The following RRAS2 variants were observed in gnomAD, a reference collection of about 807,000 sequenced individuals.
The protein encoded by RRAS2 is ras-related protein R-Ras2.
A neutral mutation model predicts 27.6 loss-of-function variants in RRAS2; 7 were observed. The observed-to-expected ratio is 0.25, with a 90% CI of 0.14 to 0.48. The LOEUF (loss-of-function observed/expected upper bound fraction) is 0.48, where lower values mean the gene tolerates loss of function less well. RRAS2 is among the 20% of genes least tolerant of loss of function. The pLI, the probability that RRAS2 is intolerant of heterozygous loss-of-function variation, is 0.99. For missense variants in RRAS2, 178 were observed against 256.2 expected, an observed-to-expected ratio of 0.69 and a Z score of 2.08; for synonymous variants, 86 against 90.9, an observed-to-expected ratio of 0.95 and a Z score of 0.31.
At chr11:14,293,477 C>T (rs1464651431) in intron 4 of RRAS2, among the ~76,000 whole-genome samples, 4 of 151,964 alleles carry the variant, frequency 2.6e-5, no homozygotes, top group Non-Finnish European at 4.4e-5. Context: ...CCATCCAAAT[C>T]TCATCTTTTT....
chr11:14,347,945 C>T (rs1300556671), intron 1 of RRAS2, among the ~76,000 whole-genome samples: 1 of 152,010 alleles, frequency 6.6e-6, no homozygotes, highest in Non-Finnish European at 1.5e-5. Flanking sequence ...GCAAAAGACA[C>T]ACTTGGTGCA....
At chr11:14,341,741 T>C in intron 1 of RRAS2, 1 of 440,360 alleles carries the variant, frequency 2.3e-6, no homozygotes, top group South Asian at 1.6e-5. Flanking sequence ...CAGAGTACAT[T>C]CTCTGTTCTT....
intron 4 of RRAS2, among the ~76,000 whole-genome samples, chr11:14,288,647 T>C (rs1849728278): frequency 6.6e-6 from 1 of 152,214 alleles, no homozygotes; most frequent in Non-Finnish European, 1.5e-5. Flanking sequence ...CCAGACATGT[T>C]TTGTTTTAAA....
chr11:14,355,524 T>C (rs1849053562), intron 1 of RRAS2, among the ~76,000 whole-genome samples: 1 of 152,240 alleles, frequency 6.6e-6, no homozygotes, highest in African/African-American at 2.4e-5. Context: ...TGATTTGTTA[T>C]ATTTATTTTT....
intron 1 of RRAS2, among the ~76,000 whole-genome samples, chr11:14,319,491 TG>T (rs1554949993): frequency 6.6e-6 from 1 of 151,954 alleles, no homozygotes; most frequent in African/African-American, 2.4e-5. Flanking sequence ...CCCGAGTAGC[TG>T]GGACTACAGG....
chr11:14,316,549 A>G (rs1395511846), intron 1 of RRAS2, among the ~76,000 whole-genome samples: 1 of 152,196 alleles, frequency 6.6e-6, no homozygotes, highest in Admixed American at 6.5e-5. Context: ...AGACTGGCCT[A>G]GGCAACATAG....
intron 1 of RRAS2, among the ~76,000 whole-genome samples, chr11:14,356,290 C>T (rs1319955004): frequency 6.6e-6 from 1 of 152,184 alleles, no homozygotes; most frequent in Non-Finnish European, 1.5e-5. Flanking sequence ...TCTCTCCAAA[C>T]TAGCATATGA....
intron 1 of RRAS2, among the ~76,000 whole-genome samples, chr11:14,349,352 G>A (rs1848904528): frequency 6.7e-6 from 1 of 149,656 alleles, no homozygotes; most frequent in African/African-American, 2.5e-5. Flanking sequence ...TAGTAAAGAG[G>A]GGGGTTTCAC....
intron 1 of RRAS2, among the ~76,000 whole-genome samples, chr11:14,325,626 G>C (rs1192681614): frequency 6.6e-6 from 1 of 152,104 alleles, no homozygotes; most frequent in Non-Finnish European, 1.5e-5. Flanking sequence ...TTTTAGAATG[G>C]CATTAAGTTT....
chr11:14,302,112 C>CACACACACACACACACA, intron 1 of RRAS2, among the ~76,000 whole-genome samples: 2 of 57,040 alleles, frequency 3.5e-5, no homozygotes, highest in South Asian at 6.2e-4. Context: ...ACACACACAC[C>CACACACACACACACACA]AAAAACCAAG....
intron 1 of RRAS2, among the ~76,000 whole-genome samples, chr11:14,321,964 C>T (rs532955301): frequency 3.1e-4 from 47 of 152,144 alleles, no homozygotes; most frequent in African/African-American, 1.1e-3. Context: ...CTTTTAAAAT[C>T]CCATCTACCT....
At chr11:14,316,833 A>G (rs1554949617) in intron 1 of RRAS2, among the ~76,000 whole-genome samples, 1 of 152,202 alleles carries the variant, frequency 6.6e-6, no homozygotes, top group Non-Finnish European at 1.5e-5. Flanking sequence ...TAATTCACCA[A>G]ACTTTGGGTT....
intron 4 of RRAS2, among the ~76,000 whole-genome samples, chr11:14,287,829 G>A (rs568875166): frequency 3.5e-5 from 5 of 143,442 alleles, no homozygotes; most frequent in South Asian, 2.2e-4. Flanking sequence ...CCAAGATTGC[G>A]CCACTGTACT....
intron 1 of RRAS2, among the ~76,000 whole-genome samples, chr11:14,334,531 T>TAC (rs145228825): frequency 0.048 from 6,914 of 143,790 alleles, 186 homozygotes; most frequent in African/African-American, 0.08. Context: ...CATCCATACA[T>TAC]ACACACACAC....
intron 1 of RRAS2, among the ~76,000 whole-genome samples, chr11:14,356,960 G>T (rs1282955211): frequency 2.6e-5 from 4 of 151,896 alleles, no homozygotes; most frequent in Non-Finnish European, 5.9e-5. Context: ...GCTAATTTTT[G>T]TATTTTTAGT....
chr11:14,305,908 G>A (rs141846068), intron 1 of RRAS2, among the ~76,000 whole-genome samples: 1 of 152,156 alleles, frequency 6.6e-6, no homozygotes, highest in East Asian at 1.9e-4. Context: ...AGTCAGATGT[G>A]GTGGTGCGTA....
chr11:14,312,540 CT>C (rs1417358610), intron 1 of RRAS2, among the ~76,000 whole-genome samples: 4 of 152,190 alleles, frequency 2.6e-5, no homozygotes, highest in African/African-American at 9.6e-5. Context: ...CCACCTCAGC[CT>C]CCTGAGTAGC....
At chr11:14,300,275 T>A (rs1394209452) in intron 1 of RRAS2, among the ~76,000 whole-genome samples, 1 of 152,192 alleles carries the variant, frequency 6.6e-6, no homozygotes, top group African/African-American at 2.4e-5. Context: ...CCCGGTAGTA[T>A]GGATGGGCAA....
chr11:14,358,835 C>A lies in RRAS2; in HGVS notation c.36G>T (p.Gln12His). 1 of 1,487,822 alleles carries A rather than the reference C, an allele frequency of 6.7e-7. No homozygotes were observed. The highest frequency in any genetic ancestry group is 9.0e-7 in the Non-Finnish European group (1 of 1,112,342). The allele number at this position is 1,487,822 out of a possible 1,614,324, so 92.2% of individuals were successfully genotyped here. ...AAAGWRDGSGQEKYRLVVVGG... is the reference protein window; with the variant it reads ...AAAGWRDGSGHEKYRLVVVGG... The stretch of plus-strand genomic sequence containing the variant: ...CGACCACCACGAGCCGGTACTTCTC[C>A]TGGCCGGAGCCGTCCCGCCAGCCGG... The change falls in exon 1 of 6, where the codon CAG becomes CAT. Residue 12 changes from glutamine to histidine, a missense_variant. By Grantham distance (24) the Gln-to-His change is conservative (BLOSUM62 0). Transcript: ENST00000256196. This position sits in a 1 kb window ranked among gnomAD's most constrained non-coding sequence, Gnocchi z 5.1.
Sources: gnomAD v4.1 joint callset for allele counts (sites outside exome capture counted in the v4.1 genomes callset) on GRCh38, gnomAD v4.1.1 for gene constraint, Gnocchi (gnomAD v3.1) non-coding constraint, MANE v1.5 for transcripts, NCBI Gene and HGNC (gene_info 2026-07-23, HGNC 2026-07-21) for gene names.